Variants in ATP11C observed in about 807,000 individuals in gnomAD.
ATP11C encodes the protein phospholipid-transporting ATPase IG.
In ATP11C, 36 loss-of-function variants were observed where a neutral mutation model predicts 97.4. That is an observed-to-expected ratio of 0.37 (90% CI 0.28 to 0.49). The LOEUF is 0.49. Among genes scored for constraint, ATP11C ranks in the 20% least tolerant of loss-of-function variants. The probability of loss-of-function intolerance (pLI) is 0.98; values close to 1 mark genes in which losing one functional copy is unlikely to be tolerated. For missense variants in ATP11C, 730 were observed against 824.6 expected (o/e 0.89, Z 1.40); for synonymous variants, 275 against 290.9 (o/e 0.95, Z 0.56).
At chrX:139,896,619 GTCTCTCTC>G (rs202000678) in intron 1 of ATP11C, among the ~76,000 whole-genome samples, 156 of 90,883 alleles carry the variant, frequency 1.7e-3, no homozygotes, top group Middle Eastern at 5.8e-3. Flanking sequence ...TTGAGAAAGA[GTCTCTCTC>G]TCTCTCTCTC....
intron 1 of ATP11C, among the ~76,000 whole-genome samples, chrX:139,847,724 T>C (rs754344868): frequency 4.9e-4 from 52 of 105,978 alleles, no homozygotes; most frequent in Non-Finnish European, 2.1e-4. Flanking sequence ...AAAAACTACG[T>C]CCTATAGAAC....
At chrX:139,825,334 G>A (rs1436788210) in intron 2 of ATP11C, among the ~76,000 whole-genome samples, 1 of 111,179 alleles carries the variant, frequency 9.0e-6, no homozygotes, top group African/African-American at 3.3e-5. Flanking sequence ...AATTTCTCTG[G>A]CCTTAACCTC....
chrX:139,898,376 T>C (rs1487268121), intron 1 of ATP11C, among the ~76,000 whole-genome samples: 1 of 111,684 alleles, frequency 9.0e-6, no homozygotes, highest in Non-Finnish European at 1.9e-5. Context: ...AGAAGCACAG[T>C]AGTGAAGCAC....
At chrX:139,806,833 C>T (rs978037159) in intron 5 of ATP11C, among the ~76,000 whole-genome samples, 2 of 111,401 alleles carry the variant, frequency 1.8e-5, no homozygotes, top group African/African-American at 6.5e-5. Context: ...TCATATTAAG[C>T]AAATGTCATC....
intron 1 of ATP11C, among the ~76,000 whole-genome samples, chrX:139,915,877 T>C (rs1469048645): frequency 2.7e-5 from 3 of 111,403 alleles, no homozygotes; most frequent in African/African-American, 9.8e-5. Context: ...ATTAACTACA[T>C]CACAGAATAT....
At chrX:139,922,854 C>A (rs1341040656) in intron 1 of ATP11C, among the ~76,000 whole-genome samples, 1 of 111,873 alleles carries the variant, frequency 8.9e-6, no homozygotes. Flanking sequence ...GTGGTGCCAT[C>A]TCTGCTCACT....
chrX:139,880,249 A>T (rs2084540780), intron 1 of ATP11C, among the ~76,000 whole-genome samples: 1 of 111,438 alleles, frequency 9.0e-6, no homozygotes, highest in African/African-American at 3.3e-5. Flanking sequence ...TCTTGAGAGT[A>T]GGCTGCCACA....
At chrX:139,873,004 G>A (rs903921245) in intron 1 of ATP11C, among the ~76,000 whole-genome samples, 1 of 112,164 alleles carries the variant, frequency 8.9e-6, no homozygotes, top group Non-Finnish European at 1.9e-5. Context: ...TAATCTAGTT[G>A]TATTACATAG....
chrX:139,928,936 C>T (rs2148192535), intron 1 of ATP11C, among the ~76,000 whole-genome samples: 1 of 111,680 alleles, frequency 9.0e-6, no homozygotes, highest in South Asian at 3.7e-4. Context: ...ATTTCATAAG[C>T]CAAAAAGAGG....
rs777982392 is a variant in ATP11C at position 139,778,005 on chromosome X, G to A, written c.1953-3052C>T. On this transcript the variant is annotated intron_variant, in intron 18 of 29. Transcript: ENST00000682941. ...CAAGCAGCTGAGACTACAAGCACGTGTCACCATGCTTACTTATCTAAAAAA... is the reference window on the plus strand; with the variant it reads ...CAAGCAGCTGAGACTACAAGCACGTATCACCATGCTTACTTATCTAAAAAA... 8.2e-5 allele frequency among the ~76,000 whole-genome samples: 9 copies of A among 109,853 alleles called. No homozygotes were observed. In the East Asian group the frequency reaches 2.6e-3, roughly 31 times the overall value.
At chrX:139,823,954 C>T in intron 2 of ATP11C, among the ~76,000 whole-genome samples, 1 of 108,835 alleles carries the variant, frequency 9.2e-6, no homozygotes, top group East Asian at 2.9e-4. Flanking sequence ...GGAACTCAAA[C>T]AGTAAGAAAA....
At chrX:139,843,219 A>T (rs1490269861) in intron 1 of ATP11C, among the ~76,000 whole-genome samples, 1 of 112,521 alleles carries the variant, frequency 8.9e-6, no homozygotes, top group Admixed American at 9.4e-5. Flanking sequence ...TTAGGATACA[A>T]CAGGACTTCT....
At chrX:139,836,314 G>C (rs1214269134) in intron 1 of ATP11C, among the ~76,000 whole-genome samples, 3 of 110,739 alleles carry the variant, frequency 2.7e-5, no homozygotes, top group Non-Finnish European at 5.7e-5. Context: ...TCAGGAGTTC[G>C]AGACCAGATT....
At chrX:139,746,432 A>G (rs1393954291) in intron 24 of ATP11C, among the ~76,000 whole-genome samples, 1 of 111,960 alleles carries the variant, frequency 8.9e-6, no homozygotes. Flanking sequence ...GGGAACCACT[A>G]GTGTAGCAGC....
chrX:139,843,343 C>A (rs745371659), intron 1 of ATP11C, among the ~76,000 whole-genome samples: 1 of 111,907 alleles, frequency 8.9e-6, no homozygotes, highest in South Asian at 3.8e-4. Flanking sequence ...ATATGGCTCA[C>A]TCATTTGATT....
chrX:139,812,614 G>T (rs887912566), intron 5 of ATP11C, among the ~76,000 whole-genome samples: 1 of 106,359 alleles, frequency 9.4e-6, no homozygotes, highest in African/African-American at 3.5e-5. Flanking sequence ...GCTCGATCTC[G>T]GATCACCGCA....
intron 5 of ATP11C, among the ~76,000 whole-genome samples, chrX:139,814,244 CA>C (rs1358800038): frequency 5.3e-4 from 54 of 102,493 alleles, no homozygotes; most frequent in African/African-American, 1.2e-3. Flanking sequence ...CTGAGATTGT[CA>C]AAAAAAAAAA....
chrX:139,842,784 T>C (rs982350667), intron 1 of ATP11C, among the ~76,000 whole-genome samples: 3 of 111,927 alleles, frequency 2.7e-5, no homozygotes, highest in African/African-American at 9.7e-5. Flanking sequence ...TTTGTATAAT[T>C]CACACGTGCC....
At chrX:139,925,670 G>A (rs775059510) in intron 1 of ATP11C, among the ~76,000 whole-genome samples, 23 of 112,010 alleles carry the variant, frequency 2.1e-4, no homozygotes, top group African/African-American at 6.5e-4. Flanking sequence ...TTGGTAAAGA[G>A]AAAGGGACTA....
Sources: gnomAD v4.1 joint callset for allele counts (sites outside exome capture counted in the v4.1 genomes callset) on GRCh38, gnomAD v4.1.1 for gene constraint, MANE v1.5 for transcripts, NCBI Gene and HGNC (gene_info 2026-07-23, HGNC 2026-07-21) for gene names.